The following COL28A1 variants were observed in gnomAD, a reference collection of about 807,000 sequenced individuals.
The protein encoded by COL28A1 is collagen type XXVIII alpha 1 chain, also known as collagen alpha-1(XXVIII) chain.
Under a neutral mutation model 150.2 loss-of-function variants are expected in COL28A1, and 161 were observed. The ratio of observed to expected loss-of-function variants is 1.07; its 90% confidence interval spans 0.94 to 1.22. The LOEUF (loss-of-function observed/expected upper bound fraction) is 1.22, where lower values mean the gene tolerates loss of function less well. Among genes scored for constraint, COL28A1 ranks in the 50% most tolerant of loss-of-function variants. COL28A1 has a pLI of 0.00. For synonymous variants in COL28A1, 552 were observed against 469.7 expected (o/e 1.18, Z -2.26); for missense variants, 1,617 against 1,388.3 (o/e 1.16, Z -2.62).
At chr7:7,442,179 A>G (rs6948753) in intron 20 of COL28A1, among the ~76,000 whole-genome samples, 31,608 of 152,046 alleles carry the variant, frequency 0.21, 3,526 homozygotes, top group Middle Eastern at 0.28. Flanking sequence ...TCTCTTTCCA[A>G]TGCACATTCT....
chr7:7,367,465 C>A (rs753912959), intron 33 of COL28A1, among the ~76,000 whole-genome samples: 4 of 152,140 alleles, frequency 2.6e-5, no homozygotes, highest in Admixed American at 6.5e-5. Context: ...AGCCTAGAGA[C>A]AAGAGGCACT....
intron 30 of COL28A1, among the ~76,000 whole-genome samples, chr7:7,379,281 A>T (rs1291348752): frequency 6.6e-6 from 1 of 152,066 alleles, no homozygotes; most frequent in Non-Finnish European, 1.5e-5. Context: ...ACTTAATGCA[A>T]ATTCTCTTTT....
chr7:7,522,037 A>T, intron 4 of COL28A1, 76 bp from the exon 5 acceptor site: 1 of 803,114 alleles, frequency 1.2e-6, no homozygotes, highest in East Asian at 2.5e-5. Context: ...TTGTATTTCA[A>T]ATACATTTCA....
intron 13 of COL28A1, among the ~76,000 whole-genome samples, chr7:7,477,451 A>G (rs1788991406): frequency 6.6e-6 from 1 of 152,358 alleles, no homozygotes; most frequent in East Asian, 1.9e-4. Context: ...CCAGATGTGC[A>G]TAGGTTATAC....
chr7:7,482,652 C>G (rs565006261), intron 13 of COL28A1, among the ~76,000 whole-genome samples: 2 of 151,936 alleles, frequency 1.3e-5, no homozygotes, highest in South Asian at 4.2e-4. Flanking sequence ...AAGTATAACT[C>G]TGTAATTATG....
In COL28A1 at chr7:7,483,175, C is replaced by T. The variant is rs147509916; in HGVS notation, c.1165-5995G>A. ...ACTTACAATGGGCTTATGGTTTCTACTGAATGCATTGCGTTTGCATCCTCA... is the reference window on the plus strand; with the variant it reads ...ACTTACAATGGGCTTATGGTTTCTATTGAATGCATTGCGTTTGCATCCTCA... On this transcript the variant is annotated intron_variant, in intron 13 of 34. Transcript: ENST00000399429. Among the ~76,000 whole-genome samples, 263 of 152,230 alleles carry T rather than the reference C, an allele frequency of 1.7e-3. 2 individuals are homozygous for T. Among genetic ancestry groups the T allele is most frequent in the African/African-American group, 5.8e-3 (243 of 41,554 alleles).
intron 3 of COL28A1, among the ~76,000 whole-genome samples, chr7:7,524,875 G>C (rs531316109): frequency 6.6e-6 from 1 of 152,024 alleles, no homozygotes; most frequent in African/African-American, 2.4e-5. Context: ...AATTTGAAAA[G>C]CCTCCAATAT....
intron 5 of COL28A1, among the ~76,000 whole-genome samples, chr7:7,520,979 G>A (rs918761459): frequency 3.5e-4 from 53 of 152,084 alleles, no homozygotes; most frequent in African/African-American, 1.3e-3. Context: ...TGATTGGTAG[G>A]ATGGTTTGAA....
At position 7,532,930 on chromosome 7, in the gene COL28A1, G is replaced by T; in HGVS notation, c.-37-18C>A. Reference sequence around the variant, plus strand: ...TGTAGCACCTTTAATAGAAAAGTCAGTTACAAATACTTTAATAAAATATGG... The same window carrying T: ...TGTAGCACCTTTAATAGAAAAGTCATTTACAAATACTTTAATAAAATATGG... On this transcript the variant is annotated intron_variant, in intron 1 of 34. Coordinates refer to ENST00000399429, the MANE Select transcript of COL28A1 (RefSeq NM_001037763.3). 6.7e-7 allele frequency: 1 copy of T among 1,495,280 alleles called. No individual in the cohort carries two copies. Among genetic ancestry groups the T allele is most frequent in the Non-Finnish European group, 8.9e-7 (1 of 1,123,732 alleles). 92.6% of individuals were successfully genotyped at this position (1,495,280 alleles called of 1,614,324 possible).
intron 21 of COL28A1, among the ~76,000 whole-genome samples, chr7:7,437,939 G>C (rs1043955915): frequency 3.3e-5 from 5 of 152,024 alleles, no homozygotes; most frequent in African/African-American, 1.2e-4. Flanking sequence ...TTTTTAAGAA[G>C]TAGAACCCCT....
rs563890444 is a variant in COL28A1 at position 7,361,876 on chromosome 7, T to C, written c.3067-1348A>G. Among the ~76,000 whole-genome samples, 10 of 152,216 alleles carry C rather than the reference T, an allele frequency of 6.6e-5. 1 individual carries two copies. The East Asian group carries it at 9.7e-4, about 15-fold the overall frequency. ...CATAAAAACATGAGTTCATGTCCTT[T>C]GCAGGGACATGGGTGAAGCTAGAAA... is the stretch of plus-strand genomic sequence containing the variant. On this transcript the variant is annotated intron_variant, in intron 33 of 34. Coordinates refer to ENST00000399429, the MANE Select transcript of COL28A1 (RefSeq NM_001037763.3).
At chr7:7,372,166 G>A (rs1471569189) in intron 32 of COL28A1, among the ~76,000 whole-genome samples, 2 of 151,992 alleles carry the variant, frequency 1.3e-5, no homozygotes, top group Admixed American at 6.5e-5. Flanking sequence ...TTGGGAGGCC[G>A]AGGCGGGTGG....
chr7:7,449,262 CTG>C (rs1339131044), intron 18 of COL28A1, among the ~76,000 whole-genome samples: 1 of 152,034 alleles, frequency 6.6e-6, no homozygotes, highest in East Asian at 1.9e-4. Context: ...TCTGAAAACT[CTG>C]TAAATGTAAT....
At chr7:7,465,511 G>A (rs1435993218) in intron 15 of COL28A1, among the ~76,000 whole-genome samples, 22 of 138,366 alleles carry the variant, frequency 1.6e-4, no homozygotes, top group African/African-American at 4.9e-4. Context: ...ACTGCAAGGC[G>A]GCAACGAGGC....
At chr7:7,524,623 T>C (rs1007348299) in intron 3 of COL28A1, among the ~76,000 whole-genome samples, 1 of 152,216 alleles carries the variant, frequency 6.6e-6, no homozygotes. Context: ...GAATATATAA[T>C]TGTATATTTT....
chr7:7,354,442 G>C (rs939446018), downstream of COL28A1, among the ~76,000 whole-genome samples: 2 of 152,152 alleles, frequency 1.3e-5, no homozygotes, highest in African/African-American at 4.8e-5. Context: ...TAGTTTATTA[G>C]AGGCTACTCT....
At chr7:7,514,293 A>G (rs952485078) in intron 8 of COL28A1, among the ~76,000 whole-genome samples, 2 of 152,166 alleles carry the variant, frequency 1.3e-5, no homozygotes, top group African/African-American at 4.8e-5. Flanking sequence ...AATGGCACTT[A>G]CATTTGTAGA....
chr7:7,449,947 C>A (rs1346479207), intron 18 of COL28A1, among the ~76,000 whole-genome samples: 1 of 151,838 alleles, frequency 6.6e-6, no homozygotes, highest in African/African-American at 2.4e-5. Context: ...ACAAGCCAAC[C>A]CTAAAACATG....
At chr7:7,363,400 C>T (rs1016817421) in intron 33 of COL28A1, among the ~76,000 whole-genome samples, 1 of 152,126 alleles carries the variant, frequency 6.6e-6, no homozygotes, top group Non-Finnish European at 1.5e-5. Flanking sequence ...GATTCCAAGA[C>T]AAGCAAAATT....
Sources: allele counts gnomAD v4.1 joint callset (sites outside exome capture counted in the v4.1 genomes callset), GRCh38; gene constraint gnomAD v4.1.1; transcripts MANE v1.5; gene names NCBI Gene and HGNC (gene_info 2026-07-23, HGNC 2026-07-21).